Variants in CDC42 observed in about 807,000 individuals in gnomAD.
The protein encoded by CDC42 is cell division cycle 42.
Under a neutral mutation model 20.8 loss-of-function variants are expected in CDC42, and 1 was observed. The ratio of observed to expected loss-of-function variants is 0.05; its 90% CI spans 0.02 to 0.23. CDC42 has a LOEUF of 0.23. Among genes scored for constraint, CDC42 ranks in the 10% least tolerant of loss-of-function variants. The pLI is 1.00. For missense variants in CDC42, 49 were observed against 227.9 expected, an observed-to-expected ratio of 0.21 and a Z score of 5.05; for synonymous variants, 72 against 84.8, an observed-to-expected ratio of 0.85 and a Z score of 0.83.
At chr1:22,076,767 ATTAG>A (rs879768073) in intron 1 of CDC42, among the ~76,000 whole-genome samples, 35 of 152,240 alleles carry the variant, frequency 2.3e-4, no homozygotes, top group Admixed American at 1.9e-3. Flanking sequence ...TTAATGCTGT[ATTAG>A]TTAGTATGGG....
At chr1:22,090,543 C>CT (rs760344268) in intron 5 of CDC42, 48 of 987,440 alleles carry the variant, frequency 4.9e-5, no homozygotes, top group Middle Eastern at 5.1e-4. Context: ...GTTGCTGTTG[C>CT]TTTGGCTGTC....
At chr1:22,075,534 A>G (rs897197267) in intron 1 of CDC42, among the ~76,000 whole-genome samples, 1 of 152,192 alleles carries the variant, frequency 6.6e-6, no homozygotes, top group Non-Finnish European at 1.5e-5. Context: ...CTTGGAGATA[A>G]AAAGTGTTAT....
intron 1 of CDC42, chr1:22,059,686 G>T (rs1645341892): frequency 6.6e-6 from 1 of 152,268 alleles, no homozygotes; most frequent in Non-Finnish European, 1.5e-5. Flanking sequence ...TGGGATTACA[G>T]GCGCACACCA....
At position 22,055,444 on chromosome 1, in the gene CDC42, A is replaced by G. The variant is rs531959770; in HGVS notation, c.-51+2702A>G. On this transcript the variant is annotated intron_variant, in intron 1 of 5. Coordinates refer to ENST00000656825, the MANE Select transcript of CDC42 (RefSeq NM_001791.4). ...TTAATTTTTTGGGAATCTAAGGCAG[A>G]TGTTATAGCCTAGAGTAGTATAGGG... Among the ~76,000 whole-genome samples the G allele has an allele frequency of 6.6e-5, 10 of 150,954 alleles. No homozygotes were observed. The South Asian group carries it at 1.9e-3, about 28-fold the overall frequency.
chr1:22,060,187 C>T (rs990980237), intron 1 of CDC42, among the ~76,000 whole-genome samples: 1 of 151,884 alleles, frequency 6.6e-6, no homozygotes, highest in Non-Finnish European at 1.5e-5. Context: ...ACTAAAAATA[C>T]AAAAATTAGC....
chr1:22,067,525 A>G (rs1166496391), intron 1 of CDC42, among the ~76,000 whole-genome samples: 1 of 152,034 alleles, frequency 6.6e-6, no homozygotes, highest in Non-Finnish European at 1.5e-5. Context: ...TTGTATTTTT[A>G]GTGGAGACAG....
At chr1:22,059,248 C>A (rs1211439919) in intron 1 of CDC42, 1 of 152,146 alleles carries the variant, frequency 6.6e-6, no homozygotes, top group African/African-American at 2.4e-5. Context: ...GCCTCCACCT[C>A]CCTAGTAGCT....
rs1645675323 is a variant in CDC42 at position 22,087,742 on chromosome 1, CATT to C, written c.486+879_486+881del. ...AGGTTTCTAATAATTATATTAAACTCATTATATTTATGCTTATGTTTTCAGGTA... is the reference window on the plus strand; with the variant it reads ...AGGTTTCTAATAATTATATTAAACTCATATTTATGCTTATGTTTTCAGGTA... On this transcript the variant is annotated intron_variant, in intron 5 of 5. Coordinates refer to ENST00000656825, the MANE Select transcript of CDC42 (RefSeq NM_001791.4). Among the ~76,000 whole-genome samples, 3 of 152,232 alleles carry C rather than the reference CATT, an allele frequency of 2.0e-5. No homozygotes were observed. In the South Asian group the frequency reaches 6.2e-4, roughly 32 times the overall value.
At chr1:22,063,702 A>G (rs1645390171) in intron 1 of CDC42, among the ~76,000 whole-genome samples, 1 of 152,018 alleles carries the variant, frequency 6.6e-6, no homozygotes, top group Admixed American at 6.6e-5. Context: ...ATAACATTGT[A>G]TTACTTTGTT....
intron 1 of CDC42, among the ~76,000 whole-genome samples, chr1:22,071,541 G>GT (rs1345079059): frequency 1.3e-5 from 2 of 152,164 alleles, no homozygotes; most frequent in African/African-American, 4.8e-5. Flanking sequence ...ATGGGTAGGT[G>GT]TTTAAAAAAT....
At chr1:22,088,885 G>C (rs1176767452) in intron 5 of CDC42, among the ~76,000 whole-genome samples, 1 of 152,106 alleles carries the variant, frequency 6.6e-6, no homozygotes, top group Non-Finnish European at 1.5e-5. Flanking sequence ...AAAGAGGAAG[G>C]CTTTTTAACT....
intron 3 of CDC42, among the ~76,000 whole-genome samples, chr1:22,083,297 G>A (rs1203381532): frequency 6.6e-6 from 1 of 151,690 alleles, no homozygotes; most frequent in Non-Finnish European, 1.5e-5. Context: ...TTTTTGATGC[G>A]TAGTGCAATA....
At chr1:22,064,590 C>T (rs2152827629) in intron 1 of CDC42, among the ~76,000 whole-genome samples, 1 of 152,234 alleles carries the variant, frequency 6.6e-6, no homozygotes, top group East Asian at 1.9e-4. Context: ...TGCGCCTGGC[C>T]TTGTGAGTGC....
chr1:22,058,289 T>C (rs1045573059), intron 1 of CDC42, among the ~76,000 whole-genome samples: 3 of 152,186 alleles, frequency 2.0e-5, no homozygotes, highest in African/African-American at 7.2e-5. Context: ...ACAATGTGAA[T>C]GCTTTATTTC....
chr1:22,079,010 G>A, intron 2 of CDC42: 1 of 400,180 alleles, frequency 2.5e-6, no homozygotes. Context: ...TTCTTGTGGA[G>A]CTGTTCGCTT....
chr1:22,078,345 C>A (rs1645573469), intron 1 of CDC42, 84 bp from the exon 2 acceptor site: 2 of 581,466 alleles, frequency 3.4e-6, no homozygotes, highest in East Asian at 6.0e-5. Context: ...TTTTCTTGCT[C>A]TGAGTGCCTG....
At chr1:22,081,836 G>T (rs779979617) in intron 3 of CDC42, 42 bp downstream of exon 3, 1 of 1,250,126 alleles carries the variant, frequency 8.0e-7, no homozygotes, top group Non-Finnish European at 1.2e-6. Flanking sequence ...ATCTTTAACA[G>T]TTGCTAGTTG....
intron 1 of CDC42, among the ~76,000 whole-genome samples, chr1:22,066,138 C>G (rs891079278): frequency 1.3e-5 from 2 of 151,930 alleles, no homozygotes; most frequent in African/African-American, 2.4e-5. Flanking sequence ...ATATACTGTT[C>G]AGTATTGTAT....
At position 22,097,877 on chromosome 1, in the gene CDC42, T is replaced by C. The variant is rs1645767535; in HGVS notation, c.*6360T>C. ...ATTTTAATGCAGTGTCATAGTCTCA[T>C]AGGTGATTTCCCCAAAAGCAAATAA... On this transcript the variant is annotated 3_prime_UTR_variant, in exon 6 of 6. Transcript: ENST00000656825. 6.6e-6 allele frequency among the ~76,000 whole-genome samples: 1 copy of C among 152,246 alleles called. No individual in the cohort carries two copies. Among genetic ancestry groups the C allele is most frequent in the Non-Finnish European group, 1.5e-5 (1 of 68,050 alleles).
Sources: allele counts gnomAD v4.1 joint callset (sites outside exome capture counted in the v4.1 genomes callset), GRCh38; gene constraint gnomAD v4.1.1; transcripts MANE v1.5; gene names NCBI Gene and HGNC (gene_info 2026-07-23, HGNC 2026-07-21).